The following B4GALT4 variants were observed in gnomAD, a reference collection of about 807,000 sequenced individuals.
B4GALT4 encodes N-acetyllactosamine synthase.
In B4GALT4, 27 loss-of-function variants were observed where a neutral mutation model predicts 37.3. The observed-to-expected ratio is 0.72, with a 90% CI of 0.53 to 1.00. The LOEUF is 1.00. Ranked by LOEUF, B4GALT4 falls within the 50% of genes least tolerant of loss-of-function variation. The pLI, the probability that B4GALT4 is intolerant of heterozygous loss-of-function variation, is 0.00. For synonymous variants in B4GALT4, 148 were observed against 154.1 expected, an observed-to-expected ratio of 0.96 and a Z score of 0.29; for missense variants, 372 against 413.1, an observed-to-expected ratio of 0.90 and a Z score of 0.86.
chr3:119,217,550 T>G (rs1337201219), intron 6 of B4GALT4, among the ~76,000 whole-genome samples: 1 of 152,064 alleles, frequency 6.6e-6, no homozygotes, highest in Non-Finnish European at 1.5e-5. Context: ...GGTTAGAAAT[T>G]TCCTTTCCAG....
At chr3:119,214,530 C>T (rs1317262310) in intron 7 of B4GALT4, 2 of 152,116 alleles carry the variant, frequency 1.3e-5, no homozygotes, top group Non-Finnish European at 1.5e-5. Flanking sequence ...GGATTCAGGA[C>T]CCAGCTTGAA....
In B4GALT4 at chr3:119,229,953, A is replaced by G; in HGVS notation, c.147T>C (p.Ala49=). ...CCAAAATGAGGGTCTTATGGAAATT[A>G]GCCATGAACTCCTTTGCTTTAGGAA... is the stretch of plus-strand genomic sequence containing the variant. ...QEIPKAKEFM[A]NFHKTLILGK... The change falls in exon 3 of 8, where the codon GCT becomes GCC. Residue 49 remains alanine, a synonymous_variant. Transcript: ENST00000393765. 2.5e-6 allele frequency: 4 copies of G among 1,614,190 alleles called. No homozygotes were observed. Among genetic ancestry groups the G allele is most frequent in the Non-Finnish European group, 3.4e-6 (4 of 1,180,036 alleles).
At chr3:119,226,196 T>TA (rs2078612992) in intron 4 of B4GALT4, among the ~76,000 whole-genome samples, 1 of 152,222 alleles carries the variant, frequency 6.6e-6, no homozygotes, top group African/African-American at 2.4e-5. Flanking sequence ...AATCATCCAC[T>TA]CCACTGACCT....
At chr3:119,226,453 A>T in intron 4 of B4GALT4, 1 of 254,650 alleles carries the variant, frequency 3.9e-6, no homozygotes, top group Non-Finnish European at 7.6e-6. Flanking sequence ...ATAATGACAG[A>T]CAATTCCAGA....
At position 119,231,205 on chromosome 3, in the gene B4GALT4, G is replaced by A. The variant is rs370734216; in HGVS notation, c.-145-961C>T. On this transcript the variant is annotated intron_variant, in intron 2 of 7. Coordinates refer to ENST00000393765, the MANE Select transcript of B4GALT4 (RefSeq NM_003778.4). ...TGGGATAATATGAATTCACTTCTAA[G>A]AGGGGGCTATGCTCTTAATTATTGA... 7.9e-5 allele frequency among the ~76,000 whole-genome samples: 12 copies of A among 152,268 alleles called. No individual in the cohort carries two copies. In the East Asian group the frequency reaches 2.1e-3, roughly 27 times the overall value.
At chr3:119,224,327 T>C (rs2078536314) in intron 4 of B4GALT4, 82 bp from the exon 5 acceptor site, 1 of 1,115,542 alleles carries the variant, frequency 9.0e-7, no homozygotes, top group Admixed American at 2.7e-5. Flanking sequence ...ATTCAGGAGA[T>C]GGTATTATTC....
At position 119,226,819 on chromosome 3, in the gene B4GALT4, A is replaced by G; in HGVS notation, c.476T>C (p.Val159Ala). 9 of 1,613,414 alleles carry G rather than the reference A, an allele frequency of 5.6e-6. No individual in the cohort carries two copies. Among genetic ancestry groups the G allele is most frequent in the Non-Finnish European group, 7.6e-6 (9 of 1,179,884 alleles). ...QRQQLDYGIY[V>A]IHQAEGKKFN... ...TGCCCCCACGCTCACCTGGTGGATG[A>G]CGTAGATGCCATAATCCAGCTGCTG... is the stretch of plus-strand genomic sequence containing the variant. Residue 159 changes from valine (V) to alanine (A), a missense_variant, in exon 4 of 8, where the codon GTC becomes GCC. Coordinates refer to ENST00000393765, the MANE Select transcript of B4GALT4 (RefSeq NM_003778.4).
chr3:119,233,686 TAC>T (rs1319164685), intron 2 of B4GALT4, among the ~76,000 whole-genome samples: 3 of 152,216 alleles, frequency 2.0e-5, no homozygotes, highest in African/African-American at 7.2e-5. Context: ...AACTGCAGCT[TAC>T]AGACTCTGTT....
intron 7 of B4GALT4, chr3:119,214,333 T>G (rs1273067815): frequency 6.6e-6 from 1 of 152,234 alleles, no homozygotes; most frequent in African/African-American, 2.4e-5. Context: ...TTAAGACTGT[T>G]TGAAAATTTA....
Position 119,211,928 on chromosome 3 carries a change from C to G in B4GALT4, c.*621G>C. 1.9e-6 allele frequency: 1 copy of G among 538,494 alleles called. No homozygotes were observed. Among genetic ancestry groups the G allele is most frequent in the South Asian group, 2.9e-5 (1 of 34,394 alleles). The allele number at this position is 538,494 out of a possible 1,614,324, so 33.4% of individuals were successfully genotyped here. ...AAGGCATACCTGGGCAGGTCCTCCC[C>G]TGAAGGCTATCAGCAGCTGCAACCA... On this transcript the variant is annotated 3_prime_UTR_variant, in exon 8 of 8. Coordinates refer to ENST00000393765, the MANE Select transcript of B4GALT4 (RefSeq NM_003778.4).
intron 3 of B4GALT4, among the ~76,000 whole-genome samples, chr3:119,227,374 C>A (rs185808835): frequency 3.9e-5 from 6 of 152,280 alleles, no homozygotes; most frequent in Non-Finnish European, 2.9e-5. Context: ...GACAGAGTAA[C>A]TTCAACTTTG....
chr3:119,212,117 C>A lies in B4GALT4; in HGVS notation c.*432G>T, dbSNP rs1164900193. ...ATGATTGTACAGGATAAATGAATAACAGTATTGTATCTTCGTACCTTTCTA... is the reference window on the plus strand; with the variant it reads ...ATGATTGTACAGGATAAATGAATAAAAGTATTGTATCTTCGTACCTTTCTA... On this transcript the variant is annotated 3_prime_UTR_variant, in exon 8 of 8. Transcript: ENST00000393765. 1 of 702,882 alleles carries A rather than the reference C, an allele frequency of 1.4e-6. No homozygotes were observed. Among genetic ancestry groups the A allele is most frequent in the South Asian group, 1.5e-5 (1 of 67,560 alleles). 43.5% of individuals were successfully genotyped at this position (702,882 alleles called of 1,614,324 possible). A position where few individuals can be genotyped will look rare whatever the true frequency, so the allele number is the denominator to read the frequency against.
intron 2 of B4GALT4, chr3:119,234,925 A>G (rs989141175): frequency 1.3e-5 from 2 of 152,206 alleles, no homozygotes; most frequent in African/African-American, 4.8e-5. Flanking sequence ...CACTCAATTC[A>G]ACCAGTCTTT....
At chr3:119,235,582 GTTTACC>G (rs1164826099) in intron 2 of B4GALT4, among the ~76,000 whole-genome samples, 1 of 152,180 alleles carries the variant, frequency 6.6e-6, no homozygotes, top group East Asian at 1.9e-4. Context: ...GTTCCTAGGA[GTTTACC>G]TTTTACACAC....
At chr3:119,219,789 A>G (rs1475037954) in intron 5 of B4GALT4, among the ~76,000 whole-genome samples, 1 of 152,262 alleles carries the variant, frequency 6.6e-6, no homozygotes, top group Non-Finnish European at 1.5e-5. Context: ...TGTAAATCTC[A>G]GAAATAAAGG....
chr3:119,236,911 G>A lies in B4GALT4; in HGVS notation c.-204C>T, dbSNP rs1016782521. On this transcript the variant is annotated 5_prime_UTR_variant, in exon 2 of 8. Coordinates refer to ENST00000393765, the MANE Select transcript of B4GALT4 (RefSeq NM_003778.4). ...GCCTTCCGCTCCTCTGCCTCTAAAAGTGATACTTCTCCTTGGCTTGGGGAG... is the reference window on the plus strand; with the variant it reads ...GCCTTCCGCTCCTCTGCCTCTAAAAATGATACTTCTCCTTGGCTTGGGGAG... 1.3e-5 allele frequency: 2 copies of A among 152,196 alleles called. No homozygotes were observed. Among genetic ancestry groups the A allele is most frequent in the Non-Finnish European group, 1.5e-5 (1 of 68,040 alleles). 9.4% of individuals were successfully genotyped at this position (152,196 alleles called of 1,614,324 possible). A position where few individuals can be genotyped will look rare whatever the true frequency, so the allele number is the denominator to read the frequency against.
At chr3:119,236,494 A>G (rs894874519) in intron 2 of B4GALT4, among the ~76,000 whole-genome samples, 2 of 152,236 alleles carry the variant, frequency 1.3e-5, no homozygotes, top group African/African-American at 4.8e-5. Flanking sequence ...CTAAAAATAA[A>G]GAGTCAGAGA....
In B4GALT4 at chr3:119,224,595, T is replaced by C. The variant is rs77365821; in HGVS notation, c.487-350A>G. Among the ~76,000 whole-genome samples the C allele has an allele frequency of 9.0e-3, 1,375 of 152,308 alleles. 43 individuals carry two copies. The East Asian group carries it at 0.13, about 14-fold the overall frequency. On this transcript the variant is annotated intron_variant, in intron 4 of 7. Coordinates refer to ENST00000393765, the MANE Select transcript of B4GALT4 (RefSeq NM_003778.4). ...AACCAATATATTGCATAATTATGCA[T>C]AGATACATTGCATGTAAATATTCTT...
At chr3:119,229,632 T>C (rs2078745425) in intron 3 of B4GALT4, among the ~76,000 whole-genome samples, 1 of 152,230 alleles carries the variant, frequency 6.6e-6, no homozygotes. Context: ...TAAACAAGTA[T>C]GTTCATTTTC....
Sources: allele counts gnomAD v4.1 joint callset (sites outside exome capture counted in the v4.1 genomes callset), GRCh38; gene constraint gnomAD v4.1.1; transcripts MANE v1.5; gene names NCBI Gene and HGNC (gene_info 2026-07-23, HGNC 2026-07-21).